The following RCC1 variants were observed in gnomAD, a reference collection of about 807,000 sequenced individuals.
RCC1 encodes the protein regulator of chromosome condensation 1.
In RCC1, 11 loss-of-function variants were observed where a neutral mutation model predicts 44.4. The observed-to-expected ratio is 0.25, with a 90% CI of 0.16 to 0.41. The LOEUF (loss-of-function observed/expected upper bound fraction) is 0.41. Among genes scored for constraint, RCC1 ranks in the 10% least tolerant of loss-of-function variants. RCC1 has a pLI of 1.00. For missense variants in RCC1, 386 were observed against 547.1 expected (o/e 0.71, Z 2.94); for synonymous variants, 213 against 216.5 (o/e 0.98, Z 0.14).
intron 9 of RCC1, 181 bp downstream of exon 9, chr1:28,535,561 A>G: frequency 2.1e-6 from 2 of 966,360 alleles, no homozygotes; most frequent in Non-Finnish European, 1.6e-6. Flanking sequence ...GACTCTGAAC[A>G]TAGTTTCTTC....
chr1:28,529,175 G>A (rs1449692601), intron 4 of RCC1, among the ~76,000 whole-genome samples: 1 of 127,692 alleles, frequency 7.8e-6, no homozygotes, highest in African/African-American at 3.0e-5. Context: ...GAGCCACCGC[G>A]CCCAGGCTTT....
In RCC1 at chr1:28,525,665, A is replaced by C. The variant is rs1663603478; in HGVS notation, c.-9-4193A>C. ...TGAAGTTCAGAACTGCCACCTCATC[A>C]GTCAGAACTGGGCCAGTGACAACCT... On this transcript the variant is annotated intron_variant, in intron 4 of 12. Coordinates refer to ENST00000683442, the MANE Select transcript of RCC1 (RefSeq NM_001381865.2). Among the ~76,000 whole-genome samples the C allele has an allele frequency of 2.6e-5, 4 of 152,332 alleles. No homozygotes were observed. In the Middle Eastern group the frequency reaches 0.01, roughly 389 times the overall value.
chr1:28,528,045 C>T (rs1206089406), intron 4 of RCC1, among the ~76,000 whole-genome samples: 3 of 150,332 alleles, frequency 2.0e-5, no homozygotes, highest in South Asian at 2.1e-4. Context: ...ATCGGCTGTA[C>T]GCAGTGGCTC....
rs1286581450 is a variant in RCC1, at chr1:28,508,858, T to C, written c.-200T>C. 1 of 517,550 alleles carries C rather than the reference T, an allele frequency of 1.9e-6. No individual in the cohort carries two copies. Among genetic ancestry groups the C allele is most frequent in the Non-Finnish European group, 3.9e-6 (1 of 259,484 alleles). 32.1% of individuals were successfully genotyped at this position (517,550 alleles called of 1,614,324 possible). On this transcript the variant is annotated 5_prime_UTR_variant, in exon 3 of 13. Transcript: ENST00000683442. ...AGAAGACGATCTGCACTTCGCATTT[T>C]GGCATTGACATTTAATTTTAGGGTC... is the stretch of plus-strand genomic sequence containing the variant.
At chr1:28,506,219 GACGGA>G (rs763982811) in intron 1 of RCC1, 135 bp downstream of exon 1, 2 of 420,436 alleles carry the variant, frequency 4.8e-6, no homozygotes, top group South Asian at 3.4e-5. Flanking sequence ...TTTTTTTTGA[GACGGA>G]GTCGGTTTGT....
chr1:28,518,089 G>A (rs934897386), intron 4 of RCC1: 1 of 144,866 alleles, frequency 6.9e-6, no homozygotes, highest in African/African-American at 2.4e-5. Flanking sequence ...ACCGGGCCAG[G>A]GGAGCCAGCC....
At chr1:28,508,059 A>C in intron 1 of RCC1, 69 bp from the exon 2 acceptor site, 1 of 406,824 alleles carries the variant, frequency 2.5e-6, no homozygotes, top group East Asian at 7.4e-5. Flanking sequence ...CCCAGGCGAT[A>C]GCATGAGGCC....
intron 4 of RCC1, 92 bp from the exon 5 acceptor site, chr1:28,529,764 CTT>C: frequency 1.1e-6 from 1 of 948,580 alleles, no homozygotes; most frequent in Non-Finnish European, 1.7e-6. Flanking sequence ...GGCAATTCCT[CTT>C]AACGTATTTC....
rs1664584964 is a variant in RCC1, at chr1:28,536,816, G to A, written c.1007G>A (p.Ser336Asn). 6.2e-7 allele frequency: 1 copy of A among 1,614,148 alleles called. No individual in the cohort carries two copies. Among genetic ancestry groups the A allele is most frequent in the Non-Finnish European group, 8.5e-7 (1 of 1,180,028 alleles). The change falls in exon 12 of 13, where the codon AGC becomes AAC. Residue 336 changes from serine (S) to asparagine (N), a missense_variant. By Grantham distance (46) the Ser-to-Asn change is conservative. Coordinates refer to ENST00000683442, the MANE Select transcript of RCC1 (RefSeq NM_001381865.2). This position sits in a 1 kb window ranked among gnomAD's most constrained non-coding sequence, Gnocchi z 4.9. The part of the protein sequence containing the change: ...LGLGEGAEEK[S>N]IPTLISRLPA... ...CTTGGAGAGGGTGCTGAGGAGAAGA[G>A]CATACCCACCCTCATCTCCAGGCTG...
At chr1:28,528,272 C>T (rs1557875713) in intron 4 of RCC1, among the ~76,000 whole-genome samples, 2 of 151,858 alleles carry the variant, frequency 1.3e-5, no homozygotes, top group Admixed American at 6.6e-5. Flanking sequence ...CCTGGCCAAA[C>T]TGGTGAAACC....
chr1:28,516,876 C>A lies in RCC1; in HGVS notation c.-10+9C>A, dbSNP rs1469219658. 2.2e-6 allele frequency: 1 copy of A among 456,410 alleles called. No individual in the cohort carries two copies. The highest frequency in any genetic ancestry group is 1.5e-5 in the South Asian group (1 of 64,532). The allele number at this position is 456,410 out of a possible 1,614,324, so 28.3% of individuals were successfully genotyped here. Reference sequence around the variant, plus strand: ...GAGGTAAACTTGGAGAGGTAAGAAACCCTGAAGACAGGGGAGTGCTTTGTG... The same window carrying A: ...GAGGTAAACTTGGAGAGGTAAGAAAACCTGAAGACAGGGGAGTGCTTTGTG... On this transcript the variant is annotated intron_variant, in intron 4 of 12. Coordinates refer to ENST00000683442, the MANE Select transcript of RCC1 (RefSeq NM_001381865.2).
chr1:28,527,837 C>G (rs555167699), intron 4 of RCC1, among the ~76,000 whole-genome samples: 1 of 151,144 alleles, frequency 6.6e-6, no homozygotes, highest in Non-Finnish European at 1.5e-5. Context: ...TGGAGAAACC[C>G]CATCTCTACT....
intron 7 of RCC1, among the ~76,000 whole-genome samples, chr1:28,533,098 G>A (rs1255516100): frequency 6.6e-6 from 1 of 152,244 alleles, no homozygotes; most frequent in African/African-American, 2.4e-5. Context: ...ACAGGCGTGG[G>A]CCACCACACC....
At chr1:28,519,835 A>G (rs1663157968) in intron 4 of RCC1, among the ~76,000 whole-genome samples, 1 of 151,124 alleles carries the variant, frequency 6.6e-6, no homozygotes, top group African/African-American at 2.4e-5. Context: ...AGCCTCCCAA[A>G]GTGCTGGAAT....
chr1:28,511,346 A>C (rs1346363079), intron 3 of RCC1, among the ~76,000 whole-genome samples: 1 of 152,032 alleles, frequency 6.6e-6, no homozygotes, highest in East Asian at 1.9e-4. Flanking sequence ...TTATTAAATA[A>C]CATTCTTTTG....
intron 3 of RCC1, among the ~76,000 whole-genome samples, chr1:28,513,485 G>A (rs532520424): frequency 6.0e-5 from 9 of 151,046 alleles, no homozygotes; most frequent in Admixed American, 2.0e-4. Context: ...ATGAGCCACC[G>A]TGCCTGGCCT....
At chr1:28,528,706 TTATC>T (rs1258009078) in intron 4 of RCC1, among the ~76,000 whole-genome samples, 6 of 152,138 alleles carry the variant, frequency 3.9e-5, no homozygotes, top group Admixed American at 3.3e-4. Context: ...CAAGTAATGA[TTATC>T]TATAATACCA....
At chr1:28,530,071 G>T in intron 5 of RCC1, 132 bp downstream of exon 5, 1 of 645,130 alleles carries the variant, frequency 1.6e-6, no homozygotes. Flanking sequence ...CCAGCTGGAA[G>T]GTTTCCTGTA....
chr1:28,536,528 C>T lies in RCC1; in HGVS notation c.937+147C>T. 1 of 1,187,688 alleles carries T rather than the reference C, an allele frequency of 8.4e-7. No homozygotes were observed. The highest frequency in any genetic ancestry group is 2.3e-5 in the East Asian group (1 of 42,604). 73.6% of individuals were successfully genotyped at this position (1,187,688 alleles called of 1,614,324 possible). ...GGTCCATGAGAGTCACTCTCATCCT[C>T]CTAGAGTCCTGGTGTTCTTCCAAGT... On this transcript the variant is annotated intron_variant, in intron 11 of 12. Transcript: ENST00000683442. The surrounding 1 kb of genome is among the most constrained non-coding windows in gnomAD (Gnocchi z 4.9).
Sources: allele counts gnomAD v4.1 joint callset (sites outside exome capture counted in the v4.1 genomes callset), GRCh38; gene constraint gnomAD v4.1.1; non-coding constraint Gnocchi (gnomAD v3.1); transcripts MANE v1.5; gene names NCBI Gene and HGNC (gene_info 2026-07-23, HGNC 2026-07-21).